Variants in DAO observed in about 807,000 individuals in gnomAD.
The protein encoded by DAO is D-amino-acid oxidase.
A neutral mutation model predicts 50.1 loss-of-function variants in DAO; 51 were observed. That is an observed-to-expected ratio of 1.02 (90% confidence interval 0.81 to 1.29). The LOEUF (loss-of-function observed/expected upper bound fraction) is 1.29, where lower values mean the gene tolerates loss of function less well. Among genes scored for constraint, DAO ranks in the 50% most tolerant of loss-of-function variants. The pLI is 0.00. For synonymous variants in DAO, 160 were observed against 166.2 expected (o/e 0.96, Z 0.29); for missense variants, 436 against 439.4 (o/e 0.99, Z 0.07).
At chr12:108,887,040 G>A (rs2039443292) in intron 2 of DAO, among the ~76,000 whole-genome samples, 1 of 152,186 alleles carries the variant, frequency 6.6e-6, no homozygotes, top group Non-Finnish European at 1.5e-5. Context: ...GTGCCCAGGG[G>A]GAGGAGGAAA....
chr12:108,893,616 C>T (rs1023604281), intron 6 of DAO, among the ~76,000 whole-genome samples: 1 of 152,128 alleles, frequency 6.6e-6, no homozygotes, highest in African/African-American at 2.4e-5. Flanking sequence ...TGATGGACAC[C>T]GAAGATACAT....
At chr12:108,889,600 G>A in intron 4 of DAO, 55 bp downstream of exon 4, 1 of 1,402,154 alleles carries the variant, frequency 7.1e-7, no homozygotes, top group Non-Finnish European at 1.0e-6. Flanking sequence ...TAGCAGACCT[G>A]TCCAGAAGGC....
chr12:108,892,131 A>G (rs944084673), intron 5 of DAO, among the ~76,000 whole-genome samples: 1 of 138,264 alleles, frequency 7.2e-6, no homozygotes, highest in East Asian at 2.1e-4. Flanking sequence ...TGTTCTTTGG[A>G]TGTTTCTAGT....
chr12:108,884,086 GTAGGCCTTC>G (rs1359191645), intron 1 of DAO, among the ~76,000 whole-genome samples: 1 of 152,240 alleles, frequency 6.6e-6, no homozygotes, highest in Non-Finnish European at 1.5e-5. Context: ...TTAAAAGCTG[GTAGGCCTTC>G]TAAACTTCTC....
rs59694062 is a variant in DAO at position 108,881,474 on chromosome 12, A to AACACACACACACACACAC, written c.-10+1269_-10+1286dup. Among the ~76,000 whole-genome samples the AACACACACACACACACAC allele has an allele frequency of 9.4e-4, 130 of 138,586 alleles. 1 individual carries two copies. Among genetic ancestry groups the AACACACACACACACACAC allele is most frequent in the Middle Eastern group, 7.4e-3 (2 of 272 alleles). 90.9% of individuals were successfully genotyped at this position (138,586 alleles called of 152,430 possible). A position where few individuals can be genotyped will look rare whatever the true frequency, so the allele number is the denominator to read the frequency against. ...CTCATGCATTTATTTTGTATTTTAA[A>AACACACACACACACACAC]ACACACACACACACACACACACACA... On this transcript the variant is annotated intron_variant, in intron 1 of 10. Transcript: ENST00000228476.
chr12:108,900,318 C>T, intron 10 of DAO, 86 bp from the exon 11 acceptor site: 2 of 1,556,652 alleles, frequency 1.3e-6, no homozygotes, highest in Non-Finnish European at 8.8e-7. Flanking sequence ...TCGGGAGGCT[C>T]CTGAGTCTTC....
chr12:108,884,959 A>T, intron 1 of DAO, 39 bp from the exon 2 acceptor site: 1 of 1,575,886 alleles, frequency 6.3e-7, no homozygotes, highest in Non-Finnish European at 8.7e-7. Flanking sequence ...GATGGAGATG[A>T]TGGTGATGAT....
rs2137372164 is a variant in DAO at position 108,900,527 on chromosome 12, C to T, written c.1036C>T (p.His346Tyr). 16 of 1,614,004 alleles carry T rather than the reference C, an allele frequency of 9.9e-6. No individual in the cohort carries two copies. Among genetic ancestry groups the T allele is most frequent in the Non-Finnish European group, 1.4e-5 (16 of 1,179,928 alleles). ...GAAATTGTCCAGAATGCCACCATCC[C>T]ACCTCTGAAGACTCCAGTGACTGCT... Reference protein sequence around the residue: ...EKKLSRMPPSHL With the variant: ...EKKLSRMPPSYL Residue 346 changes from histidine to tyrosine, a missense_variant, in exon 11 of 11, where the codon CAC becomes TAC. Coordinates refer to ENST00000228476, the MANE Select transcript of DAO (RefSeq NM_001917.5).
At chr12:108,883,960 G>C (rs1010417987) in intron 1 of DAO, among the ~76,000 whole-genome samples, 1 of 152,254 alleles carries the variant, frequency 6.6e-6, no homozygotes, top group Non-Finnish European at 1.5e-5. Flanking sequence ...AGAGTTGTGA[G>C]TGAAGATGAG....
At position 108,900,596 on chromosome 12, in the gene DAO, CA is replaced by C; in HGVS notation, c.*63del. On this transcript the variant is annotated 3_prime_UTR_variant, in exon 11 of 11. Coordinates refer to ENST00000228476, the MANE Select transcript of DAO (RefSeq NM_001917.5). ...TCCCTTCTCCCCTCAGCCAATGAATCAATGTGCTCCTTCATAAGCCATTGCT... is the reference window on the plus strand; with the variant it reads ...TCCCTTCTCCCCTCAGCCAATGAATCATGTGCTCCTTCATAAGCCATTGCT... 1 of 1,597,558 alleles carries C rather than the reference CA, an allele frequency of 6.3e-7. No homozygotes were observed. The highest frequency in any genetic ancestry group is 8.6e-7 in the Non-Finnish European group (1 of 1,168,142).
chr12:108,886,484 A>T (rs1053542558), intron 2 of DAO, among the ~76,000 whole-genome samples: 18 of 151,848 alleles, frequency 1.2e-4, no homozygotes, highest in Non-Finnish European at 2.1e-4. Context: ...TTAAAAAAAA[A>T]TTTTTAAGAG....
chr12:108,890,636 T>TTTC (rs2039481101), intron 5 of DAO, among the ~76,000 whole-genome samples: 1 of 152,236 alleles, frequency 6.6e-6, no homozygotes, highest in Non-Finnish European at 1.5e-5. Flanking sequence ...TCTCTTTTTT[T>TTTC]TTCTTCTCTA....
At chr12:108,887,338 G>A (rs1419096898) in intron 2 of DAO, 112 bp from the exon 3 acceptor site, 1 of 818,578 alleles carries the variant, frequency 1.2e-6, no homozygotes, top group Non-Finnish European at 2.2e-6. Flanking sequence ...GGATTTCTGG[G>A]TTTTGGACAC....
Position 108,900,742 on chromosome 12 carries a change from CTG to C in DAO, c.*208_*209del. 1.9e-6 allele frequency: 1 copy of C among 530,894 alleles called. No individual in the cohort carries two copies. Among genetic ancestry groups the C allele is most frequent in the Non-Finnish European group, 3.4e-6 (1 of 297,358 alleles). 32.9% of individuals were successfully genotyped at this position (530,894 alleles called of 1,614,324 possible). A position where few individuals can be genotyped will look rare whatever the true frequency, so the allele number is the denominator to read the frequency against. The stretch of plus-strand genomic sequence containing the variant: ...CATCACTGAAATCCCTCTACCTTCT[CTG>C]GGTCTGGCATTATAAAGAACAGCTG... On this transcript the variant is annotated 3_prime_UTR_variant, in exon 11 of 11. Transcript: ENST00000228476.
At chr12:108,899,504 C>A in intron 10 of DAO, 29 bp downstream of exon 10, 1 of 1,560,916 alleles carries the variant, frequency 6.4e-7, no homozygotes, top group South Asian at 1.1e-5. Flanking sequence ...GAAAGTAATG[C>A]CCTCTTCCAC....
rs776360979 is a variant in DAO, at chr12:108,885,186, C to A, written c.180C>A (p.Asn60Lys). Residue 60 changes from asparagine to lysine, a missense_variant, in exon 2 of 11, where the codon AAC becomes AAA. Asn to Lys is a moderately conservative substitution (Grantham distance 94). Transcript: ENST00000228476. ...GLWQPYLSDP[N>K]NPQEADWSQQ... ...GGCAGCCCTACCTTTCTGACCCCAA[C>A]AACCCACAGGAGGCGTGAGTGAGGG... 3 of 1,613,204 alleles carry A rather than the reference C, an allele frequency of 1.9e-6. No homozygotes were observed. Among genetic ancestry groups the A allele is most frequent in the Admixed American group, 1.7e-5 (1 of 60,018 alleles).
intron 1 of DAO, chr12:108,883,883 A>C (rs2039406716): frequency 2.1e-5 from 6 of 279,204 alleles, no homozygotes; most frequent in South Asian, 1.5e-4. Context: ...AAACTAGGCC[A>C]TATTAAGAAT....
rs780359556 is a variant in DAO, at chr12:108,887,495, T to C, written c.240T>C (p.His80=). ...TTGACTATCTCCTGAGCCATGTCCA[T>C]TCTCCCAACGCTGAAAACCTGGGCC... The part of the protein sequence containing the change: ...QTFDYLLSHV[H]SPNAENLGLF... Residue 80 remains histidine (H), a synonymous_variant, in exon 3 of 11, where the codon CAT becomes CAC. Transcript: ENST00000228476. The C allele has an allele frequency of 1.2e-6, 2 of 1,613,998 alleles. No homozygotes were observed. Among genetic ancestry groups the C allele is most frequent in the Non-Finnish European group, 1.7e-6 (2 of 1,180,006 alleles).
At chr12:108,889,869 A>C (rs2039472169) in intron 4 of DAO, among the ~76,000 whole-genome samples, 1 of 152,138 alleles carries the variant, frequency 6.6e-6, no homozygotes, top group Non-Finnish European at 1.5e-5. Context: ...CTGGGATTCC[A>C]ACCAGTCTGT....
Sources: allele counts gnomAD v4.1 joint callset (sites outside exome capture counted in the v4.1 genomes callset), GRCh38; gene constraint gnomAD v4.1.1; transcripts MANE v1.5; gene names NCBI Gene and HGNC (gene_info 2026-07-23, HGNC 2026-07-21).